CFAP54: variants seen among roughly 807,000 people sequenced by gnomAD.
CFAP54 encodes cilia and flagella associated protein 54.
CFAP54 carries 290 observed loss-of-function variants against 370.4 expected under a neutral mutation model. That is an observed-to-expected ratio of 0.78 (90% CI 0.71 to 0.86). The LOEUF (loss-of-function observed/expected upper bound fraction) is 0.86. CFAP54 is among the 40% of genes least tolerant of loss of function. The probability of loss-of-function intolerance (pLI) is 0.00; values close to 1 mark genes in which losing one functional copy is unlikely to be tolerated. For missense variants in CFAP54, 3,399 were observed against 3,528.7 expected (o/e 0.96, Z 0.93); for synonymous variants, 1,206 against 1,236.5 (o/e 0.98, Z 0.52).
chr12:96,697,953 G>T, intron 45 of CFAP54, among the ~76,000 whole-genome samples: 1 of 152,182 alleles, frequency 6.6e-6, no homozygotes, highest in Non-Finnish European at 1.5e-5. Context: ...GAGTTCTGCC[G>T]TATGGCCTCT....
At chr12:96,656,479 G>A (rs1379151910) in intron 36 of CFAP54, among the ~76,000 whole-genome samples, 2 of 152,120 alleles carry the variant, frequency 1.3e-5, no homozygotes, top group East Asian at 1.9e-4. Flanking sequence ...CTGGGTTCAA[G>A]CGATTCATTC....
chr12:96,833,037 C>T (rs530727365), intron 66 of CFAP54, among the ~76,000 whole-genome samples: 10 of 152,234 alleles, frequency 6.6e-5, no homozygotes, highest in Admixed American at 2.6e-4. Flanking sequence ...TTAACTCTTC[C>T]TAATTAAAAT....
intron 26 of CFAP54, among the ~76,000 whole-genome samples, chr12:96,599,754 AC>A (rs1956219670): frequency 6.6e-6 from 1 of 152,132 alleles, no homozygotes; most frequent in South Asian, 2.1e-4. Context: ...TTCTCTGATG[AC>A]CAGTGATGAT....
intron 14 of CFAP54, among the ~76,000 whole-genome samples, chr12:96,541,478 G>T (rs962287642): frequency 2.6e-5 from 4 of 151,998 alleles, no homozygotes; most frequent in African/African-American, 7.3e-5. Flanking sequence ...TAGAGACAGG[G>T]TTTCACCATA....
intron 5 of CFAP54, among the ~76,000 whole-genome samples, chr12:96,515,912 G>GT (rs71437221): frequency 0.38 from 41,314 of 107,814 alleles, 9,780 homozygotes; most frequent in Non-Finnish European, 0.43. Context: ...TTACCTCTAT[G>GT]TTTTTTTTTT....
At chr12:96,756,895 G>A (rs10777813) in intron 57 of CFAP54, among the ~76,000 whole-genome samples, 59,494 of 129,162 alleles carry the variant, frequency 0.46, 11,906 homozygotes, top group East Asian at 0.5. Flanking sequence ...AGTTCGTGTG[G>A]CTGTGAATTC....
intron 62 of CFAP54, among the ~76,000 whole-genome samples, chr12:96,791,889 G>T (rs115834544): frequency 1.7e-3 from 247 of 142,618 alleles, no homozygotes; most frequent in Non-Finnish European, 2.7e-3. Context: ...TTGCCCTCTC[G>T]CCCAATCTGG....
chr12:96,661,038 G>A (rs1956989050), intron 38 of CFAP54, among the ~76,000 whole-genome samples: 1 of 151,658 alleles, frequency 6.6e-6, no homozygotes, highest in South Asian at 2.1e-4. Flanking sequence ...ACCTCCACAT[G>A]TTCAGAAGCT....
chr12:96,633,883 T>C (rs947749893), intron 32 of CFAP54, among the ~76,000 whole-genome samples: 1 of 152,064 alleles, frequency 6.6e-6, no homozygotes, highest in African/African-American at 2.4e-5. Flanking sequence ...GGCTGCACAT[T>C]TTTACATTCC....
At chr12:96,796,429 A>G (rs1354336379) in intron 63 of CFAP54, among the ~76,000 whole-genome samples, 1 of 152,150 alleles carries the variant, frequency 6.6e-6, no homozygotes, top group African/African-American at 2.4e-5. Context: ...AATTTGGAGT[A>G]CCTTTTTTTA....
intron 14 of CFAP54, among the ~76,000 whole-genome samples, chr12:96,545,043 C>T (rs1408020856): frequency 1.3e-5 from 2 of 152,102 alleles, no homozygotes; most frequent in Non-Finnish European, 1.5e-5. Context: ...TCCCGAGTAG[C>T]TGGGATTACA....
Position 96,658,200 on chromosome 12 carries a change from C to T in CFAP54, c.5325-11C>T, listed in dbSNP as rs1956945850. 5 of 1,608,448 alleles carry T rather than the reference C, an allele frequency of 3.1e-6. No individual in the cohort carries two copies. Among genetic ancestry groups the T allele is most frequent in the Non-Finnish European group, 4.2e-6 (5 of 1,178,340 alleles). ...TGTTTTCTTTTTAATGTATTCTTTA[C>T]CCCTGTCTAGTGAGAGGTATACAGA... is the stretch of plus-strand genomic sequence containing the variant. On this transcript the variant is annotated splice_polypyrimidine_tract_variant and intron_variant, in intron 37 of 67. Coordinates refer to ENST00000524981, the MANE Select transcript of CFAP54 (RefSeq NM_001306084.2).
Position 96,504,959 on chromosome 12 carries a change from CT to C in CFAP54, c.567+933del. On this transcript the variant is annotated intron_variant, in intron 3 of 67. Transcript: ENST00000524981. ...TCTTCCTCTTTCTTTCTTTTTCTTTCTTTCTTTCTTTCTTTCCCTTTCTTTC... is the reference window on the plus strand; with the variant it reads ...TCTTCCTCTTTCTTTCTTTTTCTTTCTTCTTTCTTTCTTTCCCTTTCTTTC... Among the ~76,000 whole-genome samples the C allele has an allele frequency of 2.0e-5, 3 of 150,570 alleles. 1 individual carries two copies. Among genetic ancestry groups the C allele is most frequent in the African/African-American group, 7.3e-5 (3 of 41,092 alleles).
chr12:96,530,444 C>G (rs1391503186), intron 9 of CFAP54, among the ~76,000 whole-genome samples: 1 of 152,160 alleles, frequency 6.6e-6, no homozygotes, highest in African/African-American at 2.4e-5. Flanking sequence ...GAATGGAGAT[C>G]ACACCACCAC....
intron 50 of CFAP54, among the ~76,000 whole-genome samples, chr12:96,729,813 C>G (rs1238041910): frequency 3.3e-5 from 5 of 152,150 alleles, no homozygotes; most frequent in African/African-American, 1.2e-4. Flanking sequence ...CGGAGCTGTT[C>G]CTATTTGGCC....
At chr12:96,754,712 T>C (rs1190056293) in intron 56 of CFAP54, among the ~76,000 whole-genome samples, 3 of 152,056 alleles carry the variant, frequency 2.0e-5, no homozygotes, top group Non-Finnish European at 4.4e-5. Flanking sequence ...TCCTTTCCCA[T>C]CCTTGTTGCT....
chr12:96,667,731 C>T (rs528119023), intron 39 of CFAP54, among the ~76,000 whole-genome samples: 42 of 152,266 alleles, frequency 2.8e-4, no homozygotes, highest in Non-Finnish European at 4.3e-4. Flanking sequence ...TTCCCCATTG[C>T]CTTGGTGAGT....
In CFAP54 at chr12:96,742,484, C is replaced by T; in HGVS notation, c.7117C>T (p.Leu2373=). The stretch of plus-strand genomic sequence containing the variant: ...CAGTGAGTTTTTAGATCCTATTTCC[C>T]TAAATGCCCGAGAATATTTCAACAT... ...DDSEFLDPIS[L]NAREYFNIHL... The change falls in exon 52 of 68, where the codon CTA becomes TTA. Residue 2373 remains leucine (L), a synonymous_variant. Transcript: ENST00000524981. 6.2e-7 allele frequency: 1 copy of T among 1,608,024 alleles called. No individual in the cohort carries two copies.
At chr12:96,580,786 C>T (rs1731310712) in intron 21 of CFAP54, 97 bp downstream of exon 21, 3 of 1,097,876 alleles carry the variant, frequency 2.7e-6, no homozygotes, top group Non-Finnish European at 2.5e-6. Flanking sequence ...CTCTAATTTC[C>T]ACCTGAATCA....
Sources: allele counts gnomAD v4.1 joint callset (sites outside exome capture counted in the v4.1 genomes callset), GRCh38; gene constraint gnomAD v4.1.1; transcripts MANE v1.5; gene names NCBI Gene and HGNC (gene_info 2026-07-23, HGNC 2026-07-21).